The following VIPR2 variants were observed in gnomAD, a reference collection of about 807,000 sequenced individuals.
The protein encoded by VIPR2 is vasoactive intestinal peptide receptor 2.
In VIPR2, 48 loss-of-function variants were observed where a neutral mutation model predicts 58.0. The ratio of observed to expected loss-of-function variants is 0.83; its 90% CI spans 0.66 to 1.05. The LOEUF is 1.05. Ranked by LOEUF, VIPR2 falls within the 50% of genes least tolerant of loss-of-function variation. The pLI is 0.00. For missense variants in VIPR2, 534 were observed against 558.0 expected (o/e 0.96, Z 0.43); for synonymous variants, 243 against 235.2 (o/e 1.03, Z -0.30).
intron 2 of VIPR2, among the ~76,000 whole-genome samples, chr7:159,112,558 G>A (rs1267582955): frequency 2.0e-5 from 3 of 151,968 alleles, no homozygotes; most frequent in African/African-American, 7.2e-5. Flanking sequence ...TGTTAAATAG[G>A]CAGGCAGAGG....
At chr7:159,130,187 T>C (rs1284878474) in intron 2 of VIPR2, among the ~76,000 whole-genome samples, 17 of 152,216 alleles carry the variant, frequency 1.1e-4, no homozygotes. Flanking sequence ...ATGCCCTCAA[T>C]TATTCCTGGG....
At chr7:159,124,514 G>C (rs892113148) in intron 2 of VIPR2, among the ~76,000 whole-genome samples, 1 of 152,070 alleles carries the variant, frequency 6.6e-6, no homozygotes, top group Non-Finnish European at 1.5e-5. Flanking sequence ...GCCTGTTTTT[G>C]TACCACTACC....
chr7:159,045,472 T>C (rs535732692), intron 5 of VIPR2, among the ~76,000 whole-genome samples: 229 of 152,298 alleles, frequency 1.5e-3, no homozygotes, highest in Middle Eastern at 0.01. Context: ...GGACATTCAA[T>C]AGGGAAAGAA....
chr7:159,120,717 G>C (rs1358788125), intron 2 of VIPR2, among the ~76,000 whole-genome samples: 1 of 152,178 alleles, frequency 6.6e-6, no homozygotes, highest in Non-Finnish European at 1.5e-5. Flanking sequence ...AGGTGCAGCT[G>C]TGCGGGCTCC....
chr7:159,126,472 CAG>C (rs1338346457), intron 2 of VIPR2, among the ~76,000 whole-genome samples: 1 of 152,146 alleles, frequency 6.6e-6, no homozygotes, highest in African/African-American at 2.4e-5. Context: ...TTGGCAGAAA[CAG>C]AGAGGAAAGA....
chr7:159,073,866 C>T (rs746690496), intron 4 of VIPR2, among the ~76,000 whole-genome samples: 10 of 152,126 alleles, frequency 6.6e-5, no homozygotes, highest in South Asian at 4.2e-4. Context: ...CTAAGGGAGA[C>T]GTGGAACCTT....
chr7:159,072,030 C>T (rs374136950), intron 4 of VIPR2, among the ~76,000 whole-genome samples: 4 of 135,204 alleles, frequency 3.0e-5, no homozygotes, highest in Non-Finnish European at 4.7e-5. Flanking sequence ...AAACACACAT[C>T]GCTAGACTAG....
chr7:159,090,904 A>C (rs370613428), intron 4 of VIPR2, among the ~76,000 whole-genome samples: 1,235 of 37,224 alleles, frequency 0.033, no homozygotes, highest in Admixed American at 0.038. Flanking sequence ...GGGGCCACCT[A>C]TTGTGACTAT....
intron 2 of VIPR2, among the ~76,000 whole-genome samples, chr7:159,131,551 G>C (rs967423343): frequency 4.6e-5 from 7 of 152,034 alleles, no homozygotes; most frequent in Admixed American, 1.3e-4. Flanking sequence ...CTACCTCCTC[G>C]CCCCTCTCCC....
At chr7:159,123,197 G>A (rs113711787) in intron 2 of VIPR2, among the ~76,000 whole-genome samples, 385 of 146,974 alleles carry the variant, frequency 2.6e-3, no homozygotes, top group African/African-American at 8.9e-3. Context: ...GGAGGCTGAG[G>A]CAGGAGAATC....
chr7:159,041,896 T>A (rs1854370895), intron 6 of VIPR2, among the ~76,000 whole-genome samples: 1 of 152,146 alleles, frequency 6.6e-6, no homozygotes, highest in African/African-American at 2.4e-5. Flanking sequence ...TTATGGGCGT[T>A]GACCACTGTT....
rs1585486475 is a variant in VIPR2, at chr7:159,098,149, C to T, written c.357+5608G>A. On this transcript the variant is annotated intron_variant, in intron 4 of 12. Transcript: ENST00000262178. The surrounding 1 kb of genome is among the most constrained non-coding windows in gnomAD (Gnocchi z 5.2). ...TGTTCTGTTTTCCACGCAGTGGGAA[C>T]CCCGGCCCCCATCCATCAGCACAGA... is the stretch of plus-strand genomic sequence containing the variant. 6.6e-6 allele frequency among the ~76,000 whole-genome samples: 1 copy of T among 152,284 alleles called. No homozygotes were observed. Among genetic ancestry groups the T allele is most frequent in the Non-Finnish European group, 1.5e-5 (1 of 68,018 alleles).
At chr7:159,085,147 C>T (rs1857105571) in intron 4 of VIPR2, among the ~76,000 whole-genome samples, 1 of 152,190 alleles carries the variant, frequency 6.6e-6, no homozygotes, top group Non-Finnish European at 1.5e-5. Context: ...CAAGTCACTC[C>T]ACTTAGGAGA....
chr7:159,144,116 C>CT (rs949163980), intron 1 of VIPR2, among the ~76,000 whole-genome samples: 3 of 151,864 alleles, frequency 2.0e-5, no homozygotes, highest in Non-Finnish European at 2.9e-5. Context: ...TTTTTTCTTT[C>CT]TTTTTTCTTT....
chr7:159,116,720 T>C (rs1011883883), intron 2 of VIPR2, among the ~76,000 whole-genome samples: 2 of 151,824 alleles, frequency 1.3e-5, no homozygotes, highest in African/African-American at 4.8e-5. Context: ...TTCTTACCGG[T>C]ATGCTGGGAA....
chr7:159,119,974 G>A (rs932174326), intron 2 of VIPR2, among the ~76,000 whole-genome samples: 2 of 152,090 alleles, frequency 1.3e-5, no homozygotes, highest in African/African-American at 4.8e-5. Context: ...AGCCTGGTAG[G>A]TGGGGTCGGA....
Position 159,093,977 on chromosome 7 carries a change from G to T in VIPR2, c.357+9780C>A, listed in dbSNP as rs1265414631. 1.3e-5 allele frequency among the ~76,000 whole-genome samples: 2 copies of T among 152,236 alleles called. No individual in the cohort carries two copies. The highest frequency in any genetic ancestry group is 2.4e-5 in the African/African-American group (1 of 41,462). On this transcript the variant is annotated intron_variant, in intron 4 of 12. Coordinates refer to ENST00000262178, the MANE Select transcript of VIPR2 (RefSeq NM_003382.5). This position sits in a 1 kb window ranked among gnomAD's most constrained non-coding sequence, Gnocchi z 6.7. ...GAGCAGGAAGCTGAAGGGTAGGATG[G>T]GGAACAGGCTCACATCTGTGATGGG...
chr7:159,083,561 A>G (rs1213483099), intron 4 of VIPR2, among the ~76,000 whole-genome samples: 1 of 152,162 alleles, frequency 6.6e-6, no homozygotes, highest in Admixed American at 6.5e-5. Flanking sequence ...CTTTCCAGGC[A>G]GCGAGCCACC....
intron 4 of VIPR2, among the ~76,000 whole-genome samples, chr7:159,063,176 G>A (rs1023779859): frequency 2.0e-4 from 30 of 152,148 alleles, no homozygotes; most frequent in African/African-American, 2.9e-4. Context: ...ACCAGGTGCC[G>A]CGGAGCAGGG....
Sources: gnomAD v4.1 joint callset for allele counts (sites outside exome capture counted in the v4.1 genomes callset) on GRCh38, gnomAD v4.1.1 for gene constraint, Gnocchi (gnomAD v3.1) non-coding constraint, MANE v1.5 for transcripts, NCBI Gene and HGNC (gene_info 2026-07-23, HGNC 2026-07-21) for gene names.